The following FAS variants were observed in gnomAD, a reference collection of about 807,000 sequenced individuals.
The protein encoded by FAS is tumor necrosis factor receptor superfamily member 6.
A neutral mutation model predicts 33.2 loss-of-function variants in FAS; 5 were observed. The observed-to-expected ratio is 0.15, with a 90% CI of 0.08 to 0.32. The LOEUF is 0.32. Ranked by LOEUF, FAS falls within the 10% of genes least tolerant of loss-of-function variation. The pLI is 1.00. For missense variants in FAS, 339 were observed against 386.0 expected, an observed-to-expected ratio of 0.88 and a Z score of 1.02; for synonymous variants, 131 against 130.7, an observed-to-expected ratio of 1.00 and a Z score of -0.01.
At chr10:88,981,525 A>T (rs1384858776) in intron 2 of FAS, among the ~76,000 whole-genome samples, 1 of 152,118 alleles carries the variant, frequency 6.6e-6, no homozygotes, top group Non-Finnish European at 1.5e-5. Context: ...AAGGAAGGCA[A>T]ATTGAAGAGG....
At chr10:88,988,309 A>T (rs994996043), upstream of FAS, among the ~76,000 whole-genome samples, 25 of 152,228 alleles carry the variant, frequency 1.6e-4, no homozygotes, top group Non-Finnish European at 2.1e-4. Flanking sequence ...GAGTTATTAA[A>T]ATCAACTTAT....
At chr10:89,000,143 A>C (rs1847841906) in intron 1 of FAS, among the ~76,000 whole-genome samples, 1 of 152,246 alleles carries the variant, frequency 6.6e-6, no homozygotes, top group Non-Finnish European at 1.5e-5. Flanking sequence ...TGCTGGTTTA[A>C]GAAAATATAT....
Position 89,010,735 on chromosome 10 carries a change from C to T in FAS, c.506-18C>T, listed in dbSNP as rs2133529342. On this transcript the variant is annotated intron_variant, in intron 5 of 8. Coordinates refer to ENST00000652046, the MANE Select transcript of FAS (RefSeq NM_000043.6). ...ATTGCTTATTTTCATATAAAATGTC[C>T]AATGTTCCAACCTACAGGATCCAGA... 6.2e-7 allele frequency: 1 copy of T among 1,613,768 alleles called. No homozygotes were observed. Among genetic ancestry groups the T allele is most frequent in the Non-Finnish European group, 8.5e-7 (1 of 1,179,842 alleles).
At chr10:88,972,341 GTT>G (rs1846465781) in intron 1 of FAS, among the ~76,000 whole-genome samples, 1 of 152,180 alleles carries the variant, frequency 6.6e-6, no homozygotes, top group African/African-American at 2.4e-5. Context: ...ATTGGTAACT[GTT>G]ATTTGTAATA....
intron 1 of FAS, chr10:89,002,534 T>G (rs1331439077): frequency 5.8e-6 from 1 of 171,710 alleles, no homozygotes; most frequent in African/African-American, 2.4e-5. Flanking sequence ...GTTTTGAAAT[T>G]TCTCTTTCCT....
chr10:88,991,415 T>G, intron 1 of FAS: 1 of 228,562 alleles, frequency 4.4e-6, no homozygotes, highest in East Asian at 8.8e-5. Flanking sequence ...AGAACAGATA[T>G]TGCTCATTTT....
chr10:89,010,104 AC>A (rs1170655616), intron 4 of FAS, among the ~76,000 whole-genome samples: 1 of 152,030 alleles, frequency 6.6e-6, no homozygotes, highest in East Asian at 1.9e-4. Context: ...CCAGCTGAGT[AC>A]CCTCCCTGAG....
chr10:88,974,747 A>T (rs1846525540), intron 2 of FAS: 1 of 152,220 alleles, frequency 6.6e-6, no homozygotes, highest in South Asian at 2.1e-4. Context: ...GATAAAATAA[A>T]TCTCTTTCAC....
At chr10:88,971,487 T>G (rs1295946755) in intron 1 of FAS, among the ~76,000 whole-genome samples, 1 of 152,242 alleles carries the variant, frequency 6.6e-6, no homozygotes, top group Non-Finnish European at 1.5e-5. Flanking sequence ...AAGCTAAGAA[T>G]GAGTGGCAGA....
chr10:88,973,430 T>C (rs1846494169), intron 2 of FAS: 1 of 1,141,998 alleles, frequency 8.8e-7, no homozygotes, highest in African/African-American at 1.6e-5. Context: ...TGTTAGCCAT[T>C]ATCTCTGCCT....
upstream of FAS, among the ~76,000 whole-genome samples, chr10:88,989,896 C>T (rs966058508): frequency 4.6e-5 from 7 of 152,214 alleles, no homozygotes; most frequent in African/African-American, 1.7e-4. Flanking sequence ...TCCAAACATA[C>T]CTTCTGTAAA....
Position 89,014,443 on chromosome 10 carries a change from T to C in FAS, c.1001T>C (p.Leu334Ser). The C allele has an allele frequency of 6.2e-7, 1 of 1,608,446 alleles. No individual in the cohort carries two copies. The highest frequency in any genetic ancestry group is 8.5e-7 in the Non-Finnish European group (1 of 1,179,808). ...AACTTCAGAAATGAAATCCAAAGCT[T>C]GGTCTAGAGTGAAAAACAACAAATT... ...NSNFRNEIQS[L>S]V Residue 334 changes from leucine (L) to serine (S), a missense_variant, in exon 9 of 9, where the codon TTG (leucine) becomes TCG (serine). Transcript: ENST00000652046.
chr10:88,999,119 C>CTGG (rs1847773146), intron 1 of FAS, among the ~76,000 whole-genome samples: 1 of 151,046 alleles, frequency 6.6e-6, no homozygotes, highest in Admixed American at 6.6e-5. Context: ...CGCCACTGCA[C>CTGG]CTCCAGCCTG....
chr10:89,004,924 G>C (rs1848133505), intron 2 of FAS, among the ~76,000 whole-genome samples: 1 of 152,046 alleles, frequency 6.6e-6, no homozygotes, highest in African/African-American at 2.4e-5. Flanking sequence ...TTAGTGTTGT[G>C]ATATTCATAT....
intron 2 of FAS, among the ~76,000 whole-genome samples, chr10:89,005,256 A>G (rs1282793134): frequency 1.3e-5 from 2 of 152,150 alleles, no homozygotes; most frequent in African/African-American, 4.8e-5. Context: ...ACAGGAAATT[A>G]TAGGTGATGC....
At chr10:88,978,262 GGGGGGA>G (rs1846620898) in intron 2 of FAS, among the ~76,000 whole-genome samples, 1 of 114,748 alleles carries the variant, frequency 8.7e-6, no homozygotes, top group Non-Finnish European at 1.8e-5. Flanking sequence ...GGTGGGGGGA[GGGGGGA>G]GGGATAGCAT....
chr10:89,014,782 G>T lies in FAS; in HGVS notation c.*332G>T, dbSNP rs567552315. On this transcript the variant is annotated 3_prime_UTR_variant, in exon 9 of 9. Transcript: ENST00000652046. The stretch of plus-strand genomic sequence containing the variant: ...GTATGAATGTAATCAGTGTATGTTA[G>T]TACAAATGTCTATCCACAGGCTAAC... 15 of 558,600 alleles carry T rather than the reference G, an allele frequency of 2.7e-5. No homozygotes were observed. In the East Asian group the frequency reaches 5.3e-4, roughly 20 times the overall value. 34.6% of individuals were successfully genotyped at this position (558,600 alleles called of 1,614,324 possible). A position where few individuals can be genotyped will look rare whatever the true frequency, so the allele number is the denominator to read the frequency against.
chr10:89,010,215 T>C (rs1848454596), intron 4 of FAS, among the ~76,000 whole-genome samples: 1 of 152,246 alleles, frequency 6.6e-6, no homozygotes, highest in Non-Finnish European at 1.5e-5. Context: ...GTTTAAGCTA[T>C]AGGATTTACG....
intron 1 of FAS, among the ~76,000 whole-genome samples, chr10:88,967,546 C>T (rs1052322941): frequency 2.0e-5 from 3 of 152,204 alleles, no homozygotes; most frequent in Admixed American, 6.5e-5. Flanking sequence ...CATTTTATGA[C>T]AATCCACGTT....
Sources: gnomAD v4.1 joint callset for allele counts (sites outside exome capture counted in the v4.1 genomes callset) on GRCh38, gnomAD v4.1.1 for gene constraint, MANE v1.5 for transcripts, NCBI Gene and HGNC (gene_info 2026-07-23, HGNC 2026-07-21) for gene names.